Variants in ABI3BP observed in about 807,000 individuals in gnomAD.
ABI3BP encodes the protein target of Nesh-SH3.
In ABI3BP, 216 loss-of-function variants were observed where a neutral mutation model predicts 268.6. That is an observed-to-expected ratio of 0.80 (90% CI 0.72 to 0.90). The LOEUF (loss-of-function observed/expected upper bound fraction) is 0.90, where lower values mean the gene tolerates loss of function less well. Among genes scored for constraint, ABI3BP ranks in the 40% least tolerant of loss-of-function variants. The pLI is 0.00. For missense variants in ABI3BP, 2,090 were observed against 2,182.4 expected (o/e 0.96, Z 0.84); for synonymous variants, 730 against 730.0 (o/e 1.00, Z 0.00).
chr3:100,871,072 CA>C (rs1437465911), intron 9 of ABI3BP, among the ~76,000 whole-genome samples: 2 of 151,982 alleles, frequency 1.3e-5, no homozygotes, highest in African/African-American at 4.8e-5. Context: ...TAAAAAGTTG[CA>C]GATGCATAGG....
chr3:100,923,613 C>T (rs2060932210), intron 2 of ABI3BP, among the ~76,000 whole-genome samples: 1 of 152,136 alleles, frequency 6.6e-6, no homozygotes, highest in Non-Finnish European at 1.5e-5. Context: ...AGAGCATCAA[C>T]TCATAACAAT....
intron 64 of ABI3BP, among the ~76,000 whole-genome samples, chr3:100,754,088 C>T (rs1303366286): frequency 3.9e-5 from 6 of 152,222 alleles, no homozygotes; most frequent in Non-Finnish European, 8.8e-5. Flanking sequence ...TACTTAGGAA[C>T]ATTTGTCGCT....
intron 2 of ABI3BP, among the ~76,000 whole-genome samples, chr3:100,908,070 C>T (rs1014141223): frequency 8.0e-5 from 12 of 149,586 alleles, no homozygotes; most frequent in Admixed American, 2.0e-4. Flanking sequence ...GAGCCGAGAT[C>T]GTGCCACTGC....
rs187922496 is a variant in ABI3BP at position 100,980,182 on chromosome 3, T to A, written c.79+13124A>T. Among the ~76,000 whole-genome samples, 390 of 152,320 alleles carry A rather than the reference T, an allele frequency of 2.6e-3. 1 individual carries two copies. The highest frequency in any genetic ancestry group is 9.0e-3 in the African/African-American group (373 of 41,572). On this transcript the variant is annotated intron_variant, in intron 1 of 67. Coordinates refer to ENST00000471714, the MANE Select transcript of ABI3BP (RefSeq NM_001375547.2). Reference sequence around the variant, plus strand: ...TGCCAATATGTTGATCATTCAAAAATTCATTGTGTGTCACACCAAATTTAG... The same window carrying A: ...TGCCAATATGTTGATCATTCAAAAAATCATTGTGTGTCACACCAAATTTAG...
chr3:100,979,489 C>T (rs1257492650), intron 1 of ABI3BP, among the ~76,000 whole-genome samples: 5 of 152,146 alleles, frequency 3.3e-5, no homozygotes, highest in Non-Finnish European at 5.9e-5. Context: ...GATCTTTACT[C>T]TGTTAATGCT....
chr3:100,853,748 C>T (rs375836582), intron 14 of ABI3BP, among the ~76,000 whole-genome samples: 47 of 152,324 alleles, frequency 3.1e-4, no homozygotes, highest in Non-Finnish European at 6.2e-4. Flanking sequence ...TCCCATAAGG[C>T]ATTCGCTGGG....
At position 100,751,555 on chromosome 3, in the gene ABI3BP, C is replaced by A; in HGVS notation, c.5242G>T (p.Glu1748Ter). 6.3e-7 allele frequency: 1 copy of A among 1,587,236 alleles called. No individual in the cohort carries two copies. The highest frequency in any genetic ancestry group is 8.6e-7 in the Non-Finnish European group (1 of 1,165,484). Residue 1748 changes from glutamate (E) to a stop codon, truncating the protein, a stop_gained, in exon 67 of 68, where the codon GAA becomes TAA. Coordinates refer to ENST00000471714, the MANE Select transcript of ABI3BP (RefSeq NM_001375547.2). LOFTEE classifies it high-confidence loss of function. ...QLTSDQLPIK[E>*]GYFRAVRQEP... Reference sequence around the variant, plus strand: ...TGAGGAGGATCAGAAAACATACCTTCTTTGATTGGTAACTGGTCAGAAGTG... The same window carrying A: ...TGAGGAGGATCAGAAAACATACCTTATTTGATTGGTAACTGGTCAGAAGTG...
At chr3:100,862,256 A>C in intron 14 of ABI3BP, 55 bp downstream of exon 14, 2 of 1,172,304 alleles carry the variant, frequency 1.7e-6, no homozygotes, top group Admixed American at 5.0e-5. Context: ...AAAAACAATA[A>C]GTTACTCAAT....
At chr3:100,911,787 A>C (rs1317536765) in intron 2 of ABI3BP, 1 of 1,201,322 alleles carries the variant, frequency 8.3e-7, no homozygotes, top group Non-Finnish European at 1.2e-6. Flanking sequence ...ACTTGGTGTT[A>C]ATAGCAGAAA....
chr3:100,940,810 A>AC (rs2068735422), intron 1 of ABI3BP, among the ~76,000 whole-genome samples: 1 of 68,598 alleles, frequency 1.5e-5, no homozygotes, highest in Non-Finnish European at 2.9e-5. Context: ...ATATATATAT[A>AC]TATATATATA....
chr3:100,802,053 A>G (rs2097550023), intron 51 of ABI3BP, among the ~76,000 whole-genome samples: 1 of 152,228 alleles, frequency 6.6e-6, no homozygotes, highest in Admixed American at 6.5e-5. Flanking sequence ...TGCTTTATGA[A>G]CTGTATCATT....
Position 100,864,003 on chromosome 3 carries a change from T to C in ABI3BP, c.1137A>G (p.Leu379=). The part of the protein sequence containing the change: ...IPQFELPLST[L]APKSLPEFPE... ...GCTGCAGTATTTATTATTTTTTACC[T>C]AGAGTGCTCAGTGGCAATTCAAACT... The change falls in exon 12 of 68, where the codon CTA becomes CTG. Residue 379 remains leucine (L), a splice_region_variant and synonymous_variant. Transcript: ENST00000471714. The C allele has an allele frequency of 6.5e-7, 1 of 1,529,014 alleles. No homozygotes were observed. Among genetic ancestry groups the C allele is most frequent in the Non-Finnish European group, 8.8e-7 (1 of 1,140,362 alleles). 94.7% of individuals were successfully genotyped at this position (1,529,014 alleles called of 1,614,324 possible).
chr3:100,992,935 C>G (rs774334775), intron 1 of ABI3BP, among the ~76,000 whole-genome samples: 1 of 152,218 alleles, frequency 6.6e-6, no homozygotes, highest in Non-Finnish European at 1.5e-5. Context: ...TAAGCTAGTA[C>G]TGATTCAGTC....
chr3:100,816,076 T>A, intron 43 of ABI3BP, 105 bp from the exon 44 acceptor site: 1 of 906,080 alleles, frequency 1.1e-6, no homozygotes, highest in Non-Finnish European at 1.6e-6. Context: ...CACAATTTTT[T>A]AAAACTTTTG....
chr3:100,885,919 A>G lies in ABI3BP; in HGVS notation c.643+223T>C, dbSNP rs576567066. 4.7e-4 allele frequency among the ~76,000 whole-genome samples: 71 copies of G among 152,180 alleles called. No individual in the cohort carries two copies. The South Asian group carries it at 7.7e-3, about 16-fold the overall frequency. On this transcript the variant is annotated intron_variant, in intron 5 of 67. Coordinates refer to ENST00000471714, the MANE Select transcript of ABI3BP (RefSeq NM_001375547.2). ...TGTAATACAATAGACAACGACATCA[A>G]TGGAGGCATCAAATATTTATTACTT...
chr3:100,862,078 C>T (rs2099004676), intron 14 of ABI3BP, among the ~76,000 whole-genome samples: 1 of 152,150 alleles, frequency 6.6e-6, no homozygotes, highest in Non-Finnish European at 1.5e-5. Context: ...GTTCTGGCCA[C>T]ATTTCTAAGA....
chr3:100,937,220 A>G (rs1041410512), intron 1 of ABI3BP, among the ~76,000 whole-genome samples: 1 of 152,100 alleles, frequency 6.6e-6, no homozygotes. Flanking sequence ...AAAATGTAGT[A>G]CATCTGGAAC....
chr3:100,934,385 A>G (rs1376643325), intron 1 of ABI3BP, among the ~76,000 whole-genome samples: 2 of 152,078 alleles, frequency 1.3e-5, no homozygotes, highest in African/African-American at 4.8e-5. Flanking sequence ...TCTATCACTG[A>G]TGGGCATTTG....
At chr3:100,772,533 C>T (rs1001791677) in intron 61 of ABI3BP, among the ~76,000 whole-genome samples, 1 of 152,052 alleles carries the variant, frequency 6.6e-6, no homozygotes, top group Non-Finnish European at 1.5e-5. Context: ...CACTAGACGG[C>T]AGATTGTGAT....
Sources: allele counts gnomAD v4.1 joint callset (sites outside exome capture counted in the v4.1 genomes callset), GRCh38; gene constraint gnomAD v4.1.1; transcripts MANE v1.5; gene names NCBI Gene and HGNC (gene_info 2026-07-23, HGNC 2026-07-21).